The following RBFOX1 variants were observed in gnomAD, a reference collection of about 807,000 sequenced individuals.
RBFOX1 encodes the protein RNA binding protein fox-1 homolog 1.
In RBFOX1, 8 loss-of-function variants were observed where a neutral mutation model predicts 57.7. That is an observed-to-expected ratio of 0.14 (90% CI 0.08 to 0.25). RBFOX1 has a LOEUF of 0.25. Ranked by LOEUF, RBFOX1 falls within the 10% of genes least tolerant of loss-of-function variation. The pLI, the probability that RBFOX1 is intolerant of heterozygous loss-of-function variation, is 1.00. For synonymous variants in RBFOX1, 326 were observed against 222.4 expected, an observed-to-expected ratio of 1.47 and a Z score of -4.15; for missense variants, 611 against 548.5, an observed-to-expected ratio of 1.11 and a Z score of -1.14.
At chr16:6,624,351 T>C (rs1208104248) in intron 2 of RBFOX1, among the ~76,000 whole-genome samples, 1 of 152,030 alleles carries the variant, frequency 6.6e-6, no homozygotes, top group Non-Finnish European at 1.5e-5. Context: ...CTTTAAATTC[T>C]TGACATTTTT....
Position 5,598,841 on chromosome 16 carries a change from G to A in RBFOX1, c.259-61G>A, listed in dbSNP as rs2047272252. On this transcript the variant is annotated intron_variant, in intron 2 of 2. Coordinates refer to the RBFOX1 transcript ENST00000585867. Reference sequence around the variant, plus strand: ...TGCTAAACTGGGTTACTCAAGGTTAGAATTTTTTTCCTCAACCCGGCTTCC... The same window carrying A: ...TGCTAAACTGGGTTACTCAAGGTTAAAATTTTTTTCCTCAACCCGGCTTCC... 15 of 1,327,694 alleles carry A rather than the reference G, an allele frequency of 1.1e-5. No individual in the cohort carries two copies. In the South Asian group the frequency reaches 2.0e-4, roughly 17 times the overall value. The allele number at this position is 1,327,694 out of a possible 1,614,324, so 82.2% of individuals were successfully genotyped here. A position where few individuals can be genotyped will look rare whatever the true frequency, so the allele number is the denominator to read the frequency against.
chr16:7,133,188 G>T (rs1382780634), intron 4 of RBFOX1, among the ~76,000 whole-genome samples: 1 of 152,114 alleles, frequency 6.6e-6, no homozygotes, highest in Non-Finnish European at 1.5e-5. Context: ...CAATGTTTTT[G>T]ATGAAGAGGG....
chr16:6,695,882 C>T (rs559324253), intron 3 of RBFOX1, among the ~76,000 whole-genome samples: 2 of 152,186 alleles, frequency 1.3e-5, no homozygotes, highest in South Asian at 2.1e-4. Flanking sequence ...TCCATATGGC[C>T]GTGAATCTAT....
At chr16:5,907,721 TATCATCATCATCATCATCATC>T (rs34447124) in intron 4 of RBFOX1, among the ~76,000 whole-genome samples, 3 of 146,220 alleles carry the variant, frequency 2.1e-5, no homozygotes, top group South Asian at 2.2e-4. Context: ...GGAGACTATT[TATCATCATCATCATCATCATC>T]ATCATCATCA....
chr16:7,400,795 T>C (rs940782171), intron 4 of RBFOX1, among the ~76,000 whole-genome samples: 18 of 152,086 alleles, frequency 1.2e-4, no homozygotes, highest in Admixed American at 1.2e-3. Context: ...AGCATGGTGG[T>C]GATGTTAGGA....
At chr16:6,206,138 A>G (rs2097253844) in intron 1 of RBFOX1, among the ~76,000 whole-genome samples, 2 of 152,096 alleles carry the variant, frequency 1.3e-5, no homozygotes, top group Non-Finnish European at 2.9e-5. Flanking sequence ...CTGACTCAGG[A>G]AGAAAACTTC....
At chr16:5,339,040 A>G (rs1003112504) in intron 1 of RBFOX1, among the ~76,000 whole-genome samples, 2 of 152,052 alleles carry the variant, frequency 1.3e-5, no homozygotes, top group Non-Finnish European at 2.9e-5. Context: ...AAAATCTCTC[A>G]ATAATTTTCA....
chr16:6,814,233 CAGAG>C (rs545462396), intron 3 of RBFOX1, among the ~76,000 whole-genome samples: 43 of 136,444 alleles, frequency 3.2e-4, no homozygotes, highest in African/African-American at 4.4e-4. Flanking sequence ...TGTAATAACA[CAGAG>C]AGAAAATTGT....
chr16:5,660,657 T>C (rs1178637102), intron 3 of RBFOX1, among the ~76,000 whole-genome samples: 3 of 152,196 alleles, frequency 2.0e-5, no homozygotes, highest in Non-Finnish European at 4.4e-5. Context: ...TTATTTTTTT[T>C]TATATTTTCC....
intron 3 of RBFOX1, among the ~76,000 whole-genome samples, chr16:6,805,576 A>C (rs1376937620): frequency 6.7e-6 from 1 of 149,924 alleles, no homozygotes; most frequent in African/African-American, 2.5e-5. Context: ...TCACATTGAA[A>C]GGAATACAGA....
At chr16:5,923,504 C>T (rs977762003) in intron 4 of RBFOX1, among the ~76,000 whole-genome samples, 1 of 148,716 alleles carries the variant, frequency 6.7e-6, no homozygotes. Flanking sequence ...GAATTCAGAC[C>T]TAGATCATCT....
chr16:7,693,661 C>T (rs893018702), intron 14 of RBFOX1, among the ~76,000 whole-genome samples: 2 of 151,956 alleles, frequency 1.3e-5, no homozygotes, highest in African/African-American at 4.8e-5. Context: ...ATAATCAGTG[C>T]TCTTATGGTA....
intron 3 of RBFOX1, among the ~76,000 whole-genome samples, chr16:5,739,232 T>G (rs892786537): frequency 6.6e-6 from 1 of 152,214 alleles, no homozygotes; most frequent in African/African-American, 2.4e-5. Context: ...AACTCATGAT[T>G]GAGGGGGAAC....
chr16:7,036,028 A>G (rs1457683119), intron 3 of RBFOX1, among the ~76,000 whole-genome samples: 2 of 152,184 alleles, frequency 1.3e-5, no homozygotes, highest in African/African-American at 2.4e-5. Context: ...AAATAATGAC[A>G]TTTTGTAAAG....
chr16:6,787,037 T>G (rs1183592829), intron 3 of RBFOX1, among the ~76,000 whole-genome samples: 6 of 152,130 alleles, frequency 3.9e-5, no homozygotes, highest in African/African-American at 1.4e-4. Flanking sequence ...ATGTCAGAAA[T>G]ACATTAGTTG....
At chr16:6,452,815 C>T (rs902839248) in intron 2 of RBFOX1, among the ~76,000 whole-genome samples, 13 of 152,166 alleles carry the variant, frequency 8.5e-5, no homozygotes, top group African/African-American at 2.2e-4. Flanking sequence ...TCAGTTGCCA[C>T]ATCCACAAAA....
chr16:6,392,567 A>C (rs1465913191), intron 2 of RBFOX1, among the ~76,000 whole-genome samples: 2 of 152,218 alleles, frequency 1.3e-5, no homozygotes, highest in Non-Finnish European at 2.9e-5. Flanking sequence ...TAAGGTCAAA[A>C]TATGTGATCC....
At chr16:6,581,974 CTT>C (rs2097542872) in intron 2 of RBFOX1, among the ~76,000 whole-genome samples, 1 of 152,146 alleles carries the variant, frequency 6.6e-6, no homozygotes, top group South Asian at 2.1e-4. Context: ...TATTGATAAT[CTT>C]TGGTTGTTGC....
chr16:5,386,606 C>T (rs1277274625), intron 1 of RBFOX1, among the ~76,000 whole-genome samples: 1 of 152,180 alleles, frequency 6.6e-6, no homozygotes, highest in East Asian at 1.9e-4. Context: ...TGTGACCTTA[C>T]CCTTGTCCTG....
Sources: gnomAD v4.1 joint callset for allele counts (sites outside exome capture counted in the v4.1 genomes callset) on GRCh38, gnomAD v4.1.1 for gene constraint, MANE v1.5 for transcripts, NCBI Gene and HGNC (gene_info 2026-07-23, HGNC 2026-07-21) for gene names.